The following PIP5K1B variants were observed in gnomAD, a reference collection of about 807,000 sequenced individuals.
PIP5K1B encodes phosphatidylinositol-4-phosphate 5-kinase type 1 beta.
A neutral mutation model predicts 67.0 loss-of-function variants in PIP5K1B; 42 were observed. The ratio of observed to expected loss-of-function variants is 0.63; its 90% CI spans 0.49 to 0.81. The LOEUF is 0.81. Ranked by LOEUF, PIP5K1B falls within the 30% of genes least tolerant of loss-of-function variation. The pLI, the probability that PIP5K1B is intolerant of heterozygous loss-of-function variation, is 0.00. For synonymous variants in PIP5K1B, 214 were observed against 231.4 expected, an observed-to-expected ratio of 0.92 and a Z score of 0.68; for missense variants, 459 against 646.3, an observed-to-expected ratio of 0.71 and a Z score of 3.14.
chr9:68,823,075 A>G (rs1833809681), intron 4 of PIP5K1B, among the ~76,000 whole-genome samples: 1 of 152,120 alleles, frequency 6.6e-6, no homozygotes, highest in African/African-American at 2.4e-5. Context: ...TCACTCTGAC[A>G]CTTTAAAGGG....
At chr9:68,728,965 C>CATAG (rs1828282646) in intron 1 of PIP5K1B, 1 of 152,196 alleles carries the variant, frequency 6.6e-6, no homozygotes, top group African/African-American at 2.4e-5. Context: ...TCATTGTACT[C>CATAG]ATAGGTACCT....
chr9:68,991,982 G>A (rs560376058), intron 15 of PIP5K1B, among the ~76,000 whole-genome samples: 5 of 152,068 alleles, frequency 3.3e-5, no homozygotes, highest in African/African-American at 1.2e-4. Flanking sequence ...TTTTTTGGGG[G>A]GGGGCAGAGT....
At chr9:68,787,255 T>C (rs994027051) in intron 2 of PIP5K1B, among the ~76,000 whole-genome samples, 1 of 152,190 alleles carries the variant, frequency 6.6e-6, no homozygotes, top group South Asian at 2.1e-4. Flanking sequence ...TCACTGACGA[T>C]GAGACCCAAG....
intron 2 of PIP5K1B, chr9:68,780,506 C>T (rs749386380): frequency 3.1e-6 from 5 of 1,614,210 alleles, no homozygotes; most frequent in Non-Finnish European, 4.2e-6. Context: ...TGCAGATAAG[C>T]CACTCCTGGG....
chr9:68,751,775 T>G (rs1380141575), intron 2 of PIP5K1B, among the ~76,000 whole-genome samples: 16 of 152,210 alleles, frequency 1.1e-4, no homozygotes, highest in Non-Finnish European at 2.4e-4. Context: ...CATCTGGAAT[T>G]CATTGCTGCA....
chr9:68,797,812 CGTTTTGTTTTGTTTT>C (rs61645708), intron 2 of PIP5K1B, among the ~76,000 whole-genome samples: 7 of 151,178 alleles, frequency 4.6e-5, no homozygotes, highest in Admixed American at 1.3e-4. Flanking sequence ...TCACTGTGCC[CGTTTTGTTTTGTTTT>C]GTTTTGTTTT....
chr9:68,958,793 G>T (rs1036794506), intron 14 of PIP5K1B, among the ~76,000 whole-genome samples: 1 of 151,962 alleles, frequency 6.6e-6, no homozygotes, highest in Non-Finnish European at 1.5e-5. Flanking sequence ...AATTTTTTTT[G>T]GTTCAAGCAG....
At chr9:68,708,386 CATAAG>C (rs1827224087) in intron 1 of PIP5K1B, among the ~76,000 whole-genome samples, 1 of 152,158 alleles carries the variant, frequency 6.6e-6, no homozygotes, top group African/African-American at 2.4e-5. Context: ...ATTCCCAACA[CATAAG>C]ATAATTTGCC....
At chr9:68,918,546 G>T (rs1826214534) in intron 9 of PIP5K1B, among the ~76,000 whole-genome samples, 1 of 152,170 alleles carries the variant, frequency 6.6e-6, no homozygotes, top group Non-Finnish European at 1.5e-5. Context: ...GGATTAATTT[G>T]CATGTGTAAA....
At chr9:68,759,319 A>C (rs753459110) in intron 2 of PIP5K1B, among the ~76,000 whole-genome samples, 25 of 152,150 alleles carry the variant, frequency 1.6e-4, no homozygotes, top group Non-Finnish European at 3.1e-4. Context: ...GCAGGGAGTA[A>C]GGGGACTCAT....
chr9:68,925,649 T>C lies in PIP5K1B; in HGVS notation c.1201+2263T>C, dbSNP rs138361129. On this transcript the variant is annotated intron_variant, in intron 12 of 15. Coordinates refer to ENST00000265382, the MANE Select transcript of PIP5K1B (RefSeq NM_003558.4). Reference sequence around the variant, plus strand: ...ACTCTAAGGGAAACTTTCTTCCACATTTGACTCTCTCAGTGGTATCTTAAA... The same window carrying C: ...ACTCTAAGGGAAACTTTCTTCCACACTTGACTCTCTCAGTGGTATCTTAAA... Among the ~76,000 whole-genome samples, 615 of 152,188 alleles carry C rather than the reference T, an allele frequency of 4.0e-3. 1 individual carries two copies. The highest frequency in any genetic ancestry group is 6.6e-3 in the Non-Finnish European group (447 of 68,008).
chr9:68,856,907 A>G (rs1822806564), intron 4 of PIP5K1B, among the ~76,000 whole-genome samples: 1 of 152,224 alleles, frequency 6.6e-6, no homozygotes, highest in African/African-American at 2.4e-5. Context: ...GACATTGCCA[A>G]TAACTTCACA....
At chr9:68,991,357 G>T in intron 15 of PIP5K1B, 100 bp downstream of exon 15, 1 of 689,820 alleles carries the variant, frequency 1.4e-6, no homozygotes, top group South Asian at 1.7e-5. Context: ...AGGCATGCTT[G>T]GGTTTTAAAA....
chr9:68,817,891 A>C (rs1199347152), intron 2 of PIP5K1B, among the ~76,000 whole-genome samples: 1 of 152,074 alleles, frequency 6.6e-6, no homozygotes, highest in African/African-American at 2.4e-5. Context: ...CTACATTTTT[A>C]AATTGATTAC....
chr9:68,917,401 T>G, intron 8 of PIP5K1B, 147 bp from the exon 9 acceptor site: 1 of 682,516 alleles, frequency 1.5e-6, no homozygotes, highest in Non-Finnish European at 2.6e-6. Flanking sequence ...CTCAAGTGTT[T>G]TTATTTTGAT....
chr9:68,707,271 A>C (rs1827168764), intron 1 of PIP5K1B, among the ~76,000 whole-genome samples: 5 of 152,204 alleles, frequency 3.3e-5, no homozygotes. Context: ...TGTCCACGTT[A>C]AGACTAGAGA....
chr9:68,889,263 A>C, intron 7 of PIP5K1B, 130 bp downstream of exon 7: 1 of 676,698 alleles, frequency 1.5e-6, no homozygotes, highest in Non-Finnish European at 2.5e-6. Flanking sequence ...TCTGCATTTA[A>C]ATTATGCTAT....
intron 4 of PIP5K1B, among the ~76,000 whole-genome samples, chr9:68,839,400 A>G (rs7871676): frequency 0.35 from 52,518 of 151,886 alleles, 9,245 homozygotes; most frequent in African/African-American, 0.39. Flanking sequence ...AAAGAGAAGA[A>G]GGTAAAGAGT....
intron 2 of PIP5K1B, among the ~76,000 whole-genome samples, chr9:68,778,844 C>T (rs1397204812): frequency 1.3e-5 from 2 of 152,200 alleles, no homozygotes; most frequent in African/African-American, 2.4e-5. Flanking sequence ...TTTCTGCTAA[C>T]TCATCAAACT....
Sources: allele counts gnomAD v4.1 joint callset (sites outside exome capture counted in the v4.1 genomes callset), GRCh38; gene constraint gnomAD v4.1.1; transcripts MANE v1.5; gene names NCBI Gene and HGNC (gene_info 2026-07-23, HGNC 2026-07-21).